Variants in DDC observed in about 807,000 individuals in gnomAD.
DDC encodes dopa decarboxylase.
In DDC, 43 loss-of-function variants were observed where a neutral mutation model predicts 60.0. That is an observed-to-expected ratio of 0.72 (90% CI 0.56 to 0.92). The LOEUF is 0.92. DDC is among the 40% of genes least tolerant of loss of function. The pLI, the probability that DDC is intolerant of heterozygous loss-of-function variation, is 0.00. For missense variants in DDC, 573 were observed against 620.2 expected (o/e 0.92, Z 0.81); for synonymous variants, 232 against 234.6 (o/e 0.99, Z 0.10).
intron 1 of DDC, among the ~76,000 whole-genome samples, chr7:50,562,342 A>T (rs954087448): frequency 1.3e-5 from 2 of 152,138 alleles, no homozygotes; most frequent in Non-Finnish European, 2.9e-5. Flanking sequence ...CAGTAAGGAG[A>T]TTAGGCCCCA....
chr7:50,547,937 CA>C (rs1261613354), intron 1 of DDC, among the ~76,000 whole-genome samples: 1 of 152,192 alleles, frequency 6.6e-6, no homozygotes, highest in Non-Finnish European at 1.5e-5. Flanking sequence ...ACAATGTTTC[CA>C]AAAGCATGTG....
intron 6 of DDC, among the ~76,000 whole-genome samples, chr7:50,516,020 A>G (rs1359774025): frequency 6.6e-6 from 1 of 152,222 alleles, no homozygotes; most frequent in African/African-American, 2.4e-5. Context: ...ACAGGTCATC[A>G]AGACAGAAAG....
chr7:50,500,110 G>A (rs1185655284), intron 7 of DDC, among the ~76,000 whole-genome samples: 1 of 152,082 alleles, frequency 6.6e-6, no homozygotes, highest in East Asian at 1.9e-4. Flanking sequence ...AGAGTTGAAG[G>A]GTGAAGGACC....
At chr7:50,469,795 AT>A (rs1284576207) in intron 12 of DDC, among the ~76,000 whole-genome samples, 6 of 152,242 alleles carry the variant, frequency 3.9e-5, no homozygotes, top group African/African-American at 1.2e-4. Flanking sequence ...CCTGACCAAC[AT>A]GGTGAAACCC....
At position 50,560,624 on chromosome 7, in the gene DDC, G is replaced by A. The variant is rs370215018; in HGVS notation, c.-29+4661C>T. 3.3e-5 allele frequency among the ~76,000 whole-genome samples: 5 copies of A among 152,204 alleles called. No individual in the cohort carries two copies. The East Asian group carries it at 5.8e-4, about 18-fold the overall frequency. On this transcript the variant is annotated intron_variant, in intron 1 of 14. Transcript: ENST00000444124. ...ATAGCCTCCTTCTTTCCCACCCATC[G>A]TGTGGCCTCCACGGTCTCTACATGC...
chr7:50,485,237 C>T (rs2042857286), intron 9 of DDC, among the ~76,000 whole-genome samples: 2 of 152,108 alleles, frequency 1.3e-5, no homozygotes, highest in Non-Finnish European at 2.9e-5. Context: ...AGGCAATAAG[C>T]TCTGGACAGA....
chr7:50,556,030 T>G (rs2045176144), intron 1 of DDC, among the ~76,000 whole-genome samples: 1 of 152,240 alleles, frequency 6.6e-6, no homozygotes, highest in African/African-American at 2.4e-5. Context: ...ATTTCCCGAA[T>G]GCCTACTGAG....
intron 1 of DDC, among the ~76,000 whole-genome samples, chr7:50,555,154 G>A (rs1414378445): frequency 6.6e-6 from 1 of 152,148 alleles, no homozygotes; most frequent in Non-Finnish European, 1.5e-5. Context: ...GGAGGAGGAG[G>A]CTGAGCCAGT....
intron 9 of DDC, among the ~76,000 whole-genome samples, chr7:50,483,597 T>C (rs2042817111): frequency 6.6e-6 from 1 of 152,154 alleles, no homozygotes; most frequent in Non-Finnish European, 1.5e-5. Flanking sequence ...AGGATACTCA[T>C]TATTTAAGAA....
intron 8 of DDC, among the ~76,000 whole-genome samples, chr7:50,497,169 G>T (rs571151929): frequency 3.9e-5 from 6 of 152,064 alleles, no homozygotes; most frequent in Non-Finnish European, 7.4e-5. Flanking sequence ...ACAGGATATT[G>T]CAGCCTCCTT....
intron 9 of DDC, among the ~76,000 whole-genome samples, chr7:50,488,719 T>C (rs1012314615): frequency 1.3e-5 from 2 of 152,156 alleles, no homozygotes; most frequent in Non-Finnish European, 2.9e-5. Context: ...AAAAATACAC[T>C]AATAAACTAA....
At chr7:50,559,330 G>A (rs1011038714) in intron 1 of DDC, among the ~76,000 whole-genome samples, 3 of 152,114 alleles carry the variant, frequency 2.0e-5, no homozygotes, top group African/African-American at 4.8e-5. Flanking sequence ...TGTGCCCATC[G>A]CTGTCCCATA....
intron 9 of DDC, among the ~76,000 whole-genome samples, chr7:50,489,869 A>G (rs1282307273): frequency 1.3e-5 from 2 of 152,236 alleles, no homozygotes; most frequent in South Asian, 2.1e-4. Flanking sequence ...AAAAGGTTAT[A>G]AAATGATTTA....
rs79725362 is a variant in DDC, at chr7:50,472,468, A to G, written c.1042-2297T>C. 4.0e-3 allele frequency among the ~76,000 whole-genome samples: 608 copies of G among 152,238 alleles called. 2 individuals carry two copies. Among genetic ancestry groups the G allele is most frequent in the Non-Finnish European group, 6.9e-3 (471 of 68,008 alleles). On this transcript the variant is annotated intron_variant, in intron 11 of 14. Coordinates refer to ENST00000444124, the MANE Select transcript of DDC (RefSeq NM_001082971.2). ...CATTTTTAAACCTGTATTTTGTCCCATTTTTGATAAGCCATCAACATCTTC... is the reference window on the plus strand; with the variant it reads ...CATTTTTAAACCTGTATTTTGTCCCGTTTTTGATAAGCCATCAACATCTTC...
intron 1 of DDC, among the ~76,000 whole-genome samples, chr7:50,547,918 T>C (rs11765748): frequency 6.6e-6 from 1 of 152,040 alleles, no homozygotes; most frequent in African/African-American, 2.4e-5. Context: ...ATCCAGCAAG[T>C]CTATAGGCAC....
At chr7:50,505,442 T>C (rs6944090) in intron 6 of DDC, among the ~76,000 whole-genome samples, 27,996 of 152,174 alleles carry the variant, frequency 0.18, 3,276 homozygotes, top group South Asian at 0.25. Context: ...TTGAGCCCCC[T>C]GTAAAGTCTT....
At chr7:50,519,529 G>A (rs2043830483) in intron 6 of DDC, among the ~76,000 whole-genome samples, 1 of 152,130 alleles carries the variant, frequency 6.6e-6, no homozygotes, top group Non-Finnish European at 1.5e-5. Flanking sequence ...AGAAACTGTG[G>A]TATATATACA....
At position 50,528,136 on chromosome 7, in the gene DDC, C is replaced by G. The variant is rs538765925; in HGVS notation, c.714+1G>C. ...GGAGCCACAAGTGCTGCCGAACTTA[C>G]AAAGAAAGGAATCAGGCCAGCCGCT... On this transcript the variant is annotated splice_donor_variant, in intron 6 of 14. Transcript: ENST00000444124. LOFTEE classifies it high-confidence loss of function. The G allele has an allele frequency of 6.2e-7, 1 of 1,612,544 alleles. No individual in the cohort carries two copies. The highest frequency in any genetic ancestry group is 2.2e-5 in the East Asian group (1 of 44,864).
At chr7:50,471,507 A>G (rs967818883) in intron 11 of DDC, among the ~76,000 whole-genome samples, 1 of 152,186 alleles carries the variant, frequency 6.6e-6, no homozygotes, top group Admixed American at 6.5e-5. Flanking sequence ...TCAAAAGGGA[A>G]ACAGGGACCC....
Sources: allele counts gnomAD v4.1 joint callset (sites outside exome capture counted in the v4.1 genomes callset), GRCh38; gene constraint gnomAD v4.1.1; transcripts MANE v1.5; gene names NCBI Gene and HGNC (gene_info 2026-07-23, HGNC 2026-07-21).